The following CDKN3 variants were observed in gnomAD, a reference collection of about 807,000 sequenced individuals.
CDKN3 encodes cyclin-dependent kinase inhibitor 3.
In CDKN3, 19 loss-of-function variants were observed where a neutral mutation model predicts 36.1. That is an observed-to-expected ratio of 0.53 (90% confidence interval 0.37 to 0.77). The LOEUF (loss-of-function observed/expected upper bound fraction) is 0.77, where lower values mean the gene tolerates loss of function less well. CDKN3 is among the 30% of genes least tolerant of loss of function. The pLI, the probability that CDKN3 is intolerant of heterozygous loss-of-function variation, is 0.00. For missense variants in CDKN3, 188 were observed against 248.6 expected (o/e 0.76, Z 1.64); for synonymous variants, 71 against 85.3 (o/e 0.83, Z 0.92).
At chr14:54,405,409 C>CT (rs1413537796) in intron 3 of CDKN3, among the ~76,000 whole-genome samples, 3 of 152,154 alleles carry the variant, frequency 2.0e-5, no homozygotes, top group African/African-American at 7.2e-5. Flanking sequence ...AATTTTCTGT[C>CT]TCGCTGATCT....
chr14:54,408,837 A>T, intron 4 of CDKN3, 48 bp downstream of exon 4: 1 of 1,497,230 alleles, frequency 6.7e-7, no homozygotes, highest in Non-Finnish European at 8.8e-7. Flanking sequence ...TTAAATGAAT[A>T]GCATTGAAAA....
At chr14:54,410,166 A>G (rs1000692666) in intron 4 of CDKN3, among the ~76,000 whole-genome samples, 5 of 152,148 alleles carry the variant, frequency 3.3e-5, no homozygotes, top group Non-Finnish European at 5.9e-5. Flanking sequence ...TTTTTCTGCA[A>G]TGAAATCTTA....
intron 5 of CDKN3, among the ~76,000 whole-genome samples, chr14:54,414,904 T>C (rs1206297850): frequency 1.3e-5 from 2 of 152,110 alleles, no homozygotes; most frequent in Non-Finnish European, 1.5e-5. Flanking sequence ...CTGGAACACT[T>C]TGTGGAAAGC....
intron 5 of CDKN3, among the ~76,000 whole-genome samples, chr14:54,414,543 CTTTTT>C (rs112279322): frequency 7.2e-6 from 1 of 139,680 alleles, no homozygotes; most frequent in African/African-American, 2.6e-5. Context: ...CTATCTTGAT[CTTTTT>C]TTTTTTTTTT....
intron 4 of CDKN3, among the ~76,000 whole-genome samples, chr14:54,410,185 C>A (rs1281648258): frequency 6.6e-6 from 1 of 151,962 alleles, no homozygotes; most frequent in Non-Finnish European, 1.5e-5. Context: ...TAAATGGAAT[C>A]CAGTACATAA....
intron 5 of CDKN3, among the ~76,000 whole-genome samples, chr14:54,414,644 C>T (rs1481395076): frequency 6.8e-6 from 1 of 147,814 alleles, no homozygotes; most frequent in Non-Finnish European, 1.5e-5. Flanking sequence ...CTGCCGGGCT[C>T]AAGCGATCCT....
At chr14:54,403,994 T>C (rs952373058) in intron 3 of CDKN3, among the ~76,000 whole-genome samples, 1 of 152,212 alleles carries the variant, frequency 6.6e-6, no homozygotes, top group Non-Finnish European at 1.5e-5. Context: ...TGACCTGAAA[T>C]TTTCCTTTTT....
chr14:54,403,891 T>C (rs2030050884), intron 3 of CDKN3, among the ~76,000 whole-genome samples: 1 of 152,220 alleles, frequency 6.6e-6, no homozygotes. Context: ...TGAAGCTGAC[T>C]TGATCGTGGT....
intron 2 of CDKN3, among the ~76,000 whole-genome samples, 156 bp downstream of exon 2, chr14:54,400,132 A>C (rs1395810829): frequency 6.6e-6 from 1 of 151,394 alleles, no homozygotes; most frequent in Non-Finnish European, 1.5e-5. Context: ...TCATTAAAGG[A>C]TCTTCTAACT....
intron 6 of CDKN3, among the ~76,000 whole-genome samples, chr14:54,416,602 T>C (rs551891052): frequency 6.6e-6 from 1 of 151,950 alleles, no homozygotes; most frequent in African/African-American, 2.4e-5. Flanking sequence ...ATCACCTGAG[T>C]TTAGGAGTTT....
At chr14:54,414,064 A>G (rs981016725) in intron 5 of CDKN3, 1 of 174,574 alleles carries the variant, frequency 5.7e-6, no homozygotes, top group Non-Finnish European at 1.2e-5. Flanking sequence ...CTCTGTCATC[A>G]CACACTTCCT....
In CDKN3 at chr14:54,408,756, A is replaced by G. The variant is rs756755182; in HGVS notation, c.160A>G (p.Lys54Glu). Reference protein sequence around the residue: ...GLCALPGCKFKDVRRNVQKDT... With the variant: ...GLCALPGCKFEDVRRNVQKDT... Reference sequence around the variant, plus strand: ...ATTATTACTTATAGGTTGTAAATTTAAAGATGTTAGAAGAAATGTCCAAAA... The same window carrying G: ...ATTATTACTTATAGGTTGTAAATTTGAAGATGTTAGAAGAAATGTCCAAAA... The change falls in exon 4 of 8, where the codon AAA becomes GAA. Residue 54 changes from lysine to glutamate, a missense_variant. Coordinates refer to ENST00000335183, the MANE Select transcript of CDKN3 (RefSeq NM_005192.4). 5 of 1,576,784 alleles carry G rather than the reference A, an allele frequency of 3.2e-6. No individual in the cohort carries two copies. The highest frequency in any genetic ancestry group is 2.3e-5 in the East Asian group (1 of 43,552).
chr14:54,404,008 A>G (rs1008098964), intron 3 of CDKN3, among the ~76,000 whole-genome samples: 2 of 151,998 alleles, frequency 1.3e-5, no homozygotes, highest in African/African-American at 4.8e-5. Flanking sequence ...CCTTTTTGTT[A>G]TGTCTCTGCC....
chr14:54,400,471 T>G (rs2029901761), intron 2 of CDKN3, among the ~76,000 whole-genome samples: 1 of 152,174 alleles, frequency 6.6e-6, no homozygotes, highest in Admixed American at 6.5e-5. Context: ...CAACAGACTC[T>G]GTTTAAGATA....
At chr14:54,412,928 T>C (rs370121702) in intron 5 of CDKN3, 9 of 503,550 alleles carry the variant, frequency 1.8e-5, no homozygotes, top group Non-Finnish European at 3.2e-5. Context: ...TTATATCAAA[T>C]AGCCATGGGG....
At chr14:54,419,970 A>C in intron 7 of CDKN3, 22 bp from the exon 8 acceptor site, 1 of 1,428,940 alleles carries the variant, frequency 7.0e-7, no homozygotes, top group Non-Finnish European at 9.9e-7. Flanking sequence ...AGTGTATTCC[A>C]ATGTATCTTT....
intron 2 of CDKN3, among the ~76,000 whole-genome samples, chr14:54,400,856 G>T (rs1248454042): frequency 1.3e-5 from 2 of 152,134 alleles, no homozygotes; most frequent in African/African-American, 4.8e-5. Context: ...TGCAAACTGG[G>T]AATATGATTT....
At chr14:54,419,762 A>G (rs1394725335) in intron 7 of CDKN3, among the ~76,000 whole-genome samples, 1 of 152,182 alleles carries the variant, frequency 6.6e-6, no homozygotes, top group Non-Finnish European at 1.5e-5. Flanking sequence ...ATCCATCTAC[A>G]TTTCATTTCA....
At chr14:54,413,654 G>T in intron 5 of CDKN3, 3 of 1,535,324 alleles carry the variant, frequency 2.0e-6, no homozygotes, top group Non-Finnish European at 2.6e-6. Context: ...TATCCATTCT[G>T]CCATCTTTGA....
Sources: gnomAD v4.1 joint callset for allele counts (sites outside exome capture counted in the v4.1 genomes callset) on GRCh38, gnomAD v4.1.1 for gene constraint, MANE v1.5 for transcripts, NCBI Gene and HGNC (gene_info 2026-07-23, HGNC 2026-07-21) for gene names.